FARP1: variants seen among roughly 807,000 people sequenced by gnomAD.
FARP1 encodes the protein FERM, ARH/RhoGEF and pleckstrin domain protein 1.
A neutral mutation model predicts 128.8 loss-of-function variants in FARP1; 52 were observed. The observed-to-expected ratio is 0.40, with a 90% CI of 0.32 to 0.51. The LOEUF is 0.51. FARP1 is among the 20% of genes least tolerant of loss of function. The probability of loss-of-function intolerance (pLI) is 0.45; values close to 1 mark genes in which losing one functional copy is unlikely to be tolerated. For missense variants in FARP1, 1,333 were observed against 1,367.9 expected, an observed-to-expected ratio of 0.97 and a Z score of 0.40; for synonymous variants, 580 against 551.8, an observed-to-expected ratio of 1.05 and a Z score of -0.72.
chr13:98,430,213 C>T (rs1467579105), intron 17 of FARP1, among the ~76,000 whole-genome samples: 1 of 152,114 alleles, frequency 6.6e-6, no homozygotes, highest in African/African-American at 2.4e-5. Context: ...GATTGCGCCA[C>T]TGCACTCCAG....
intron 5 of FARP1, among the ~76,000 whole-genome samples, chr13:98,374,375 T>G (rs1479910239): frequency 2.0e-5 from 3 of 152,102 alleles, no homozygotes; most frequent in Admixed American, 6.6e-5. Context: ...CAGTGAGCAG[T>G]GATTGTACCA....
intron 2 of FARP1, among the ~76,000 whole-genome samples, chr13:98,310,124 G>T (rs563799368): frequency 6.8e-6 from 1 of 147,472 alleles, no homozygotes; most frequent in Admixed American, 6.8e-5. Context: ...AGATAATCTC[G>T]ATGGCCTTCA....
At chr13:98,369,563 T>G (rs1366328313) in intron 5 of FARP1, among the ~76,000 whole-genome samples, 2 of 151,696 alleles carry the variant, frequency 1.3e-5, no homozygotes, top group Non-Finnish European at 2.9e-5. Context: ...CCCCTTCCTG[T>G]GTCCATGTGT....
At position 98,452,469 on chromosome 13, in the gene FARP1, A is replaced by C. The variant is rs1893247098; in HGVS notation, c.*4152A>C. On this transcript the variant is annotated 3_prime_UTR_variant, in exon 27 of 27. Coordinates refer to ENST00000319562, the MANE Select transcript of FARP1 (RefSeq NM_005766.4). The stretch of plus-strand genomic sequence containing the variant: ...CAAAAGGGGCGTAGGGCAAACGGGG[A>C]AAATTTGCATTTGTTGAGGTACAAA... 1.3e-5 allele frequency: 2 copies of C among 152,682 alleles called. No homozygotes were observed. The highest frequency in any genetic ancestry group is 4.1e-4 in the South Asian group (2 of 4,832). The allele number at this position is 152,682 out of a possible 1,614,324, so 9.5% of individuals were successfully genotyped here. A position where few individuals can be genotyped will look rare whatever the true frequency, so the allele number is the denominator to read the frequency against.
chr13:98,407,337 T>C (rs201774740), intron 13 of FARP1: 11,967 of 41,070 alleles, frequency 0.29, 523 homozygotes, highest in South Asian at 0.4. Flanking sequence ...ACATTTTTCT[T>C]TTTGTGATTT....
intron 7 of FARP1, among the ~76,000 whole-genome samples, chr13:98,385,272 G>A (rs1890052454): frequency 1.3e-5 from 2 of 152,184 alleles, no homozygotes; most frequent in African/African-American, 4.8e-5. Flanking sequence ...GGAAGCATTG[G>A]AGCCTGACGG....
intron 2 of FARP1, among the ~76,000 whole-genome samples, chr13:98,282,324 TAACA>T (rs1272944932): frequency 6.6e-6 from 1 of 151,938 alleles, no homozygotes. Flanking sequence ...ACCCCATGAT[TAACA>T]AACTCAATTA....
chr13:98,143,466 G>A lies in FARP1; in HGVS notation c.-50G>A, dbSNP rs1875222899. 1 of 150,470 alleles carries A rather than the reference G, an allele frequency of 6.6e-6. No individual in the cohort carries two copies. The highest frequency in any genetic ancestry group is 1.9e-4 in the East Asian group (1 of 5,132). The allele number at this position is 150,470 out of a possible 1,614,324, so 9.3% of individuals were successfully genotyped here. Reference sequence around the variant, plus strand: ...CCCGGAGCCCGAGCCGGGAGAGGGAGCCGCCGCAGCCGCCGGCGCTGTGGA... The same window carrying A: ...CCCGGAGCCCGAGCCGGGAGAGGGAACCGCCGCAGCCGCCGGCGCTGTGGA... On this transcript the variant is annotated 5_prime_UTR_variant, in exon 1 of 27. Transcript: ENST00000319562.
chr13:98,258,770 T>C (rs1302673946), intron 2 of FARP1, among the ~76,000 whole-genome samples: 1 of 152,218 alleles, frequency 6.6e-6, no homozygotes, highest in East Asian at 1.9e-4. Flanking sequence ...ATCTAATTTC[T>C]TACCCTCTTG....
At chr13:98,217,972 G>A (rs1881184773) in intron 2 of FARP1, among the ~76,000 whole-genome samples, 1 of 152,170 alleles carries the variant, frequency 6.6e-6, no homozygotes, top group Admixed American at 6.5e-5. Context: ...TTTTCACAGC[G>A]TGAAGGTGGG....
At chr13:98,248,695 A>G (rs1387315642) in intron 2 of FARP1, among the ~76,000 whole-genome samples, 1 of 151,844 alleles carries the variant, frequency 6.6e-6, no homozygotes, top group Non-Finnish European at 1.5e-5. Flanking sequence ...TGAGTTGCCC[A>G]ATGTGCACAT....
At chr13:98,321,019 C>T (rs1210642090) in intron 2 of FARP1, among the ~76,000 whole-genome samples, 2 of 152,142 alleles carry the variant, frequency 1.3e-5, no homozygotes, top group African/African-American at 4.8e-5. Flanking sequence ...AACTGGGAGT[C>T]TTTGGGTTAT....
chr13:98,213,125 G>GC (rs766375820), intron 1 of FARP1, 95 bp from the exon 2 acceptor site: 98 of 938,308 alleles, frequency 1.0e-4, no homozygotes, highest in Non-Finnish European at 1.5e-4. Context: ...AGGGGATGGA[G>GC]CCCCCTGCCC....
intron 2 of FARP1, among the ~76,000 whole-genome samples, chr13:98,323,085 A>G (rs1283545309): frequency 1.3e-5 from 2 of 152,240 alleles, no homozygotes; most frequent in African/African-American, 2.4e-5. Flanking sequence ...ACTTAAAATT[A>G]CATGCATTAT....
chr13:98,205,536 G>T (rs1880216086), intron 1 of FARP1, among the ~76,000 whole-genome samples: 1 of 151,962 alleles, frequency 6.6e-6, no homozygotes, highest in Non-Finnish European at 1.5e-5. Context: ...GGGACTTCAG[G>T]TGCCCACCAC....
At chr13:98,360,359 G>A (rs796957840) in intron 3 of FARP1, among the ~76,000 whole-genome samples, 6 of 152,312 alleles carry the variant, frequency 3.9e-5, no homozygotes, top group African/African-American at 1.4e-4. Flanking sequence ...GCCTCCCAAA[G>A]TGCTAGGATT....
intron 2 of FARP1, among the ~76,000 whole-genome samples, chr13:98,271,653 C>T (rs1053255491): frequency 3.3e-5 from 5 of 152,078 alleles, no homozygotes; most frequent in Admixed American, 2.6e-4. Context: ...TGAGTGAGAA[C>T]GTGTGGTGTT....
chr13:98,234,978 A>G (rs577091610), intron 2 of FARP1, among the ~76,000 whole-genome samples: 1 of 152,366 alleles, frequency 6.6e-6, no homozygotes, highest in South Asian at 2.1e-4. Flanking sequence ...AGTGATATCA[A>G]TCAAAATAAA....
intron 8 of FARP1, among the ~76,000 whole-genome samples, chr13:98,387,609 G>A (rs1890145352): frequency 6.6e-6 from 1 of 152,196 alleles, no homozygotes; most frequent in Non-Finnish European, 1.5e-5. Flanking sequence ...CTGAGACTGG[G>A]CAGATGGGAG....
Sources: gnomAD v4.1 joint callset for allele counts (sites outside exome capture counted in the v4.1 genomes callset) on GRCh38, gnomAD v4.1.1 for gene constraint, MANE v1.5 for transcripts, NCBI Gene and HGNC (gene_info 2026-07-23, HGNC 2026-07-21) for gene names.